AFG1L: variants seen among roughly 807,000 people sequenced by gnomAD.
The protein encoded by AFG1L is AFG1 like ATPase, also known as AFG1-like ATPase.
Under a neutral mutation model 62.2 loss-of-function variants are expected in AFG1L, and 53 were observed. The ratio of observed to expected loss-of-function variants is 0.85; its 90% confidence interval spans 0.68 to 1.07. The LOEUF (loss-of-function observed/expected upper bound fraction) is 1.07. AFG1L is among the 50% of genes least tolerant of loss of function. AFG1L has a pLI of 0.00. For synonymous variants in AFG1L, 228 were observed against 210.3 expected (o/e 1.08, Z -0.73); for missense variants, 555 against 590.5 (o/e 0.94, Z 0.62).
At chr6:108,295,498 G>T (rs781559856) in intron 1 of AFG1L, among the ~76,000 whole-genome samples, 3 of 152,118 alleles carry the variant, frequency 2.0e-5, no homozygotes, top group African/African-American at 2.4e-5. Context: ...TAGTGGGAGT[G>T]CCTGGCTTGA....
chr6:108,423,122 T>A (rs1160864005), intron 7 of AFG1L, among the ~76,000 whole-genome samples: 1 of 152,084 alleles, frequency 6.6e-6, no homozygotes, highest in African/African-American at 2.4e-5. Context: ...TAGGACTGTG[T>A]AAAAATTATT....
chr6:108,382,121 C>T (rs1021037239), intron 6 of AFG1L, among the ~76,000 whole-genome samples: 4 of 151,802 alleles, frequency 2.6e-5, no homozygotes, highest in Non-Finnish European at 5.9e-5. Flanking sequence ...CTGCCTCAGC[C>T]TCCCGAGTAG....
At chr6:108,519,899 C>G in intron 12 of AFG1L, 89 bp downstream of exon 12, 1 of 751,132 alleles carries the variant, frequency 1.3e-6, no homozygotes, top group Non-Finnish European at 2.2e-6. Context: ...AGAAGAAATG[C>G]AGTGTATAGT....
At chr6:108,314,102 G>A (rs1236326515) in intron 1 of AFG1L, among the ~76,000 whole-genome samples, 2 of 152,040 alleles carry the variant, frequency 1.3e-5, no homozygotes, top group East Asian at 4.0e-4. Flanking sequence ...GTGGTGGCGG[G>A]TGCCTGTAAT....
rs1312848410 is a variant in AFG1L, at chr6:108,524,029, G to T, written c.*1604G>T. 4 of 151,890 alleles carry T rather than the reference G, an allele frequency of 2.6e-5. No homozygotes were observed. The highest frequency in any genetic ancestry group is 9.7e-5 in the African/African-American group (4 of 41,342). 9.4% of individuals were successfully genotyped at this position (151,890 alleles called of 1,614,324 possible). ...TTAAAAATAAGAAAACTGAGTCTTGGGAAAGTTAAGTAGCTTGACCTGAGA... is the reference window on the plus strand; with the variant it reads ...TTAAAAATAAGAAAACTGAGTCTTGTGAAAGTTAAGTAGCTTGACCTGAGA... On this transcript the variant is annotated 3_prime_UTR_variant, in exon 13 of 13. Transcript: ENST00000368977.
chr6:108,415,251 A>G (rs1263135490), intron 7 of AFG1L, among the ~76,000 whole-genome samples: 2 of 152,212 alleles, frequency 1.3e-5, no homozygotes, highest in African/African-American at 4.8e-5. Flanking sequence ...ACTGCAAACC[A>G]CTGCTCAACT....
At chr6:108,341,343 C>A (rs190640029) in intron 2 of AFG1L, among the ~76,000 whole-genome samples, 1 of 152,296 alleles carries the variant, frequency 6.6e-6, no homozygotes, top group Admixed American at 6.5e-5. Flanking sequence ...ATTGCTTGAA[C>A]TTACTAATTG....
At chr6:108,485,415 T>C (rs1462658779) in intron 10 of AFG1L, among the ~76,000 whole-genome samples, 1 of 151,578 alleles carries the variant, frequency 6.6e-6, no homozygotes, top group Admixed American at 6.6e-5. Context: ...TGCCAAAAAC[T>C]GTATACTTTC....
In AFG1L at chr6:108,516,972, G is replaced by A. The variant is rs572756174; in HGVS notation, c.1204-2725G>A. 4.7e-4 allele frequency among the ~76,000 whole-genome samples: 72 copies of A among 152,106 alleles called. 1 individual carries two copies. In the East Asian group the frequency reaches 0.011, roughly 23 times the overall value. ...GATGTGAAGGACCTCTTCAAGGAGAGCTACAAACCACTGCTCAATGAAATA... is the reference window on the plus strand; with the variant it reads ...GATGTGAAGGACCTCTTCAAGGAGAACTACAAACCACTGCTCAATGAAATA... On this transcript the variant is annotated intron_variant, in intron 11 of 12. Coordinates refer to ENST00000368977, the MANE Select transcript of AFG1L (RefSeq NM_145315.5).
At chr6:108,318,617 A>G (rs1777694020) in intron 1 of AFG1L, among the ~76,000 whole-genome samples, 1 of 152,226 alleles carries the variant, frequency 6.6e-6, no homozygotes, top group Admixed American at 6.5e-5. Context: ...CAAGATATTG[A>G]TTAAATCTTT....
chr6:108,374,761 A>G (rs1298355168), intron 6 of AFG1L, among the ~76,000 whole-genome samples: 1 of 152,072 alleles, frequency 6.6e-6, no homozygotes, highest in East Asian at 1.9e-4. Context: ...AAGTTGGTTA[A>G]TGTGATGCCT....
At chr6:108,390,428 G>A (rs1370569850) in intron 6 of AFG1L, among the ~76,000 whole-genome samples, 7 of 152,210 alleles carry the variant, frequency 4.6e-5, no homozygotes, top group Admixed American at 4.6e-4. Flanking sequence ...CGTTCCTTTG[G>A]AGGGGGAGAG....
chr6:108,398,620 T>C (rs1385600783), intron 6 of AFG1L, among the ~76,000 whole-genome samples: 3 of 152,218 alleles, frequency 2.0e-5, no homozygotes, highest in African/African-American at 7.2e-5. Context: ...TTTTATTTTA[T>C]TTTTCTATAA....
intron 7 of AFG1L, among the ~76,000 whole-genome samples, chr6:108,446,474 C>A (rs1414651680): frequency 6.7e-6 from 1 of 148,340 alleles, no homozygotes; most frequent in East Asian, 2.0e-4. Flanking sequence ...AATGTTCTGG[C>A]CCAACTCTCT....
chr6:108,404,874 C>T (rs1781783694), intron 7 of AFG1L, among the ~76,000 whole-genome samples: 1 of 151,778 alleles, frequency 6.6e-6, no homozygotes, highest in Non-Finnish European at 1.5e-5. Flanking sequence ...ACTACAAGTG[C>T]ACACACCACC....
intron 6 of AFG1L, among the ~76,000 whole-genome samples, chr6:108,398,677 T>C (rs866957174): frequency 6.6e-6 from 1 of 152,172 alleles, no homozygotes; most frequent in Admixed American, 6.5e-5. Flanking sequence ...GGATATCCAG[T>C]TTTTCCAGCA....
At chr6:108,331,313 AAC>A (rs1015148850) in intron 2 of AFG1L, among the ~76,000 whole-genome samples, 1 of 152,122 alleles carries the variant, frequency 6.6e-6, no homozygotes, top group African/African-American at 2.4e-5. Flanking sequence ...AACAAAACAA[AAC>A]ACAAATAGAC....
Position 108,525,148 on chromosome 6 carries a change from ACAT to A in AFG1L, c.*2727_*2729del, listed in dbSNP as rs1212279011. 1 of 152,212 alleles carries A rather than the reference ACAT, an allele frequency of 6.6e-6. No homozygotes were observed. The highest frequency in any genetic ancestry group is 2.4e-5 in the African/African-American group (1 of 41,444). 9.4% of individuals were successfully genotyped at this position (152,212 alleles called of 1,614,324 possible). A position where few individuals can be genotyped will look rare whatever the true frequency, so the allele number is the denominator to read the frequency against. On this transcript the variant is annotated 3_prime_UTR_variant, in exon 13 of 13. Transcript: ENST00000368977. ...GGGATGTCTTTAGAGTCAGGAGAAA[ACAT>A]CATGTGCCAAGGGTGCTCTCCAAAC...
At chr6:108,442,687 C>A (rs1054264367) in intron 7 of AFG1L, among the ~76,000 whole-genome samples, 3 of 152,156 alleles carry the variant, frequency 2.0e-5, no homozygotes, top group African/African-American at 7.2e-5. Flanking sequence ...TTCAGAATTG[C>A]TGATATATAA....
Sources: allele counts gnomAD v4.1 joint callset (sites outside exome capture counted in the v4.1 genomes callset), GRCh38; gene constraint gnomAD v4.1.1; transcripts MANE v1.5; gene names NCBI Gene and HGNC (gene_info 2026-07-23, HGNC 2026-07-21).